The following MEIOB variants were observed in gnomAD, a reference collection of about 807,000 sequenced individuals.
The protein encoded by MEIOB is meiosis-specific with OB domain-containing protein.
A neutral mutation model predicts 53.1 loss-of-function variants in MEIOB; 50 were observed. The ratio of observed to expected loss-of-function variants is 0.94; its 90% confidence interval spans 0.75 to 1.19. The LOEUF (loss-of-function observed/expected upper bound fraction) is 1.19. Among genes scored for constraint, MEIOB ranks in the 50% most tolerant of loss-of-function variants. The pLI is 0.00. For synonymous variants in MEIOB, 192 were observed against 182.5 expected, an observed-to-expected ratio of 1.05 and a Z score of -0.42; for missense variants, 551 against 550.8, an observed-to-expected ratio of 1.00 and a Z score of 0.00.
At chr16:1,837,942 GA>G in intron 12 of MEIOB, 72 bp from the exon 13 acceptor site, 26 of 1,452,042 alleles carry the variant, frequency 1.8e-5, no homozygotes, top group Non-Finnish European at 2.4e-5. Flanking sequence ...ACAACAGTGT[GA>G]AACAAACTTT....
In MEIOB at chr16:1,860,489, C is replaced by G; in HGVS notation, c.260-14G>C. 7.1e-7 allele frequency: 1 copy of G among 1,407,712 alleles called. No homozygotes were observed. The highest frequency in any genetic ancestry group is 1.4e-5 in the African/African-American group (1 of 69,482). 87.2% of individuals were successfully genotyped at this position (1,407,712 alleles called of 1,614,324 possible). ...TTTCAATTATCACTAAAACAGAGGG[C>G]AAAGTATGATGATATTACAAAACAG... is the stretch of plus-strand genomic sequence containing the variant. On this transcript the variant is annotated splice_polypyrimidine_tract_variant and intron_variant, in intron 4 of 13. Coordinates refer to ENST00000325962, the MANE Select transcript of MEIOB (RefSeq NM_001163560.3).
At chr16:1,834,594 T>C (rs1166375531) in intron 13 of MEIOB, among the ~76,000 whole-genome samples, 1 of 152,224 alleles carries the variant, frequency 6.6e-6, no homozygotes. Flanking sequence ...ATTTTGTCAC[T>C]TTTCATGCTA....
chr16:1,868,683 G>A (rs1429777616), intron 1 of MEIOB, among the ~76,000 whole-genome samples: 3 of 151,810 alleles, frequency 2.0e-5, no homozygotes, highest in East Asian at 3.9e-4. Flanking sequence ...CTGAAACCCC[G>A]TCTCTACTAA....
In MEIOB at chr16:1,848,795, C is replaced by T. The variant is rs1899088880; in HGVS notation, c.779-3832G>A. ...CTAACCTCAAGTGATCCGCCCACCT[C>T]GGCCTCCCAAAGTGTTGGGATTACA... On this transcript the variant is annotated intron_variant, in intron 9 of 13. Transcript: ENST00000325962. 5.3e-5 allele frequency among the ~76,000 whole-genome samples: 8 copies of T among 152,144 alleles called. No individual in the cohort carries two copies. The Middle Eastern group carries it at 0.01, about 194-fold the overall frequency.
intron 10 of MEIOB, chr16:1,843,622 C>T (rs1567274078): frequency 6.6e-6 from 1 of 151,094 alleles, no homozygotes; most frequent in Non-Finnish European, 1.5e-5. Context: ...CGCTTGAACC[C>T]AGGAGGTGGA....
intron 2 of MEIOB, among the ~76,000 whole-genome samples, chr16:1,867,138 A>G (rs1281685251): frequency 6.6e-6 from 1 of 152,196 alleles, no homozygotes; most frequent in Non-Finnish European, 1.5e-5. Flanking sequence ...CATTGTAAGA[A>G]ATCTAGTTTG....
intron 6 of MEIOB, among the ~76,000 whole-genome samples, chr16:1,856,825 A>G (rs548999155): frequency 7.2e-6 from 1 of 138,050 alleles, no homozygotes; most frequent in Non-Finnish European, 1.5e-5. Context: ...GTGCAGTGGC[A>G]TGATTTTGGC....
intron 3 of MEIOB, among the ~76,000 whole-genome samples, chr16:1,865,062 T>A (rs1488724417): frequency 6.6e-6 from 1 of 152,064 alleles, no homozygotes; most frequent in Non-Finnish European, 1.5e-5. Flanking sequence ...GGTGGGATGA[T>A]CACTTGAGCC....
Position 1,860,432 on chromosome 16 carries a change from T to C in MEIOB, c.303A>G (p.Arg101=). The C allele has an allele frequency of 1.3e-6, 2 of 1,547,202 alleles. No individual in the cohort carries two copies. Among genetic ancestry groups the C allele is most frequent in the Non-Finnish European group, 1.7e-6 (2 of 1,143,252 alleles). ...GAGTTGCAGGGCTGAATTTTTCTTC[T>C]CTTTCTATTTCCTTTCTTTGGATCA... ...NPLIQRKEIE[R]EEKFSPATPS... The change falls in exon 5 of 14, where the codon AGA becomes AGG. Residue 101 remains arginine (R), a synonymous_variant. Transcript: ENST00000325962.
chr16:1,867,970 A>T, intron 2 of MEIOB, 137 bp downstream of exon 2: 1 of 504,030 alleles, frequency 2.0e-6, no homozygotes, highest in Non-Finnish European at 3.6e-6. Context: ...CTTAATATCT[A>T]ACAATTATAC....
intron 9 of MEIOB, among the ~76,000 whole-genome samples, chr16:1,850,037 C>T (rs888646338): frequency 6.6e-6 from 1 of 152,112 alleles, no homozygotes; most frequent in Non-Finnish European, 1.5e-5. Flanking sequence ...AGAAAGATGG[C>T]ATTTTTTCTA....
At chr16:1,835,057 C>T (rs1406291468) in intron 13 of MEIOB, among the ~76,000 whole-genome samples, 2 of 150,956 alleles carry the variant, frequency 1.3e-5, no homozygotes, top group African/African-American at 4.9e-5. Context: ...AAGTTCAAGA[C>T]CAGCCTGGCC....
In MEIOB at chr16:1,841,829, C is replaced by T. The variant is rs755593711; in HGVS notation, c.1025G>A (p.Arg342Gln). ...NIDDETTKVV[R>Q]NRCSSCGYIV... is the part of the protein sequence containing the mutation. ...TGACACGGATCCTTACCATCTATTT[C>T]GAACTACTTTTGTAGTTTCATCATC... Residue 342 changes from arginine (R) to glutamine (Q), a missense_variant, in exon 11 of 14, where the codon CGA (arginine) becomes CAA (glutamine). Physicochemically the swap from Arg to Gln is conservative, Grantham distance 43. Coordinates refer to ENST00000325962, the MANE Select transcript of MEIOB (RefSeq NM_001163560.3). 1.4e-5 allele frequency: 22 copies of T among 1,570,612 alleles called. No homozygotes were observed. In the East Asian group the frequency reaches 2.5e-4, roughly 18 times the overall value.
At chr16:1,862,754 C>A (rs1899479061) in intron 3 of MEIOB, among the ~76,000 whole-genome samples, 1 of 152,048 alleles carries the variant, frequency 6.6e-6, no homozygotes, top group African/African-American at 2.4e-5. Flanking sequence ...CCTGTCTCTG[C>A]TAAAAATACA....
At chr16:1,863,262 G>A (rs1899496236) in intron 3 of MEIOB, among the ~76,000 whole-genome samples, 1 of 151,872 alleles carries the variant, frequency 6.6e-6, no homozygotes, top group Admixed American at 6.6e-5. Context: ...CGATCTCTCG[G>A]CTCACTGCAA....
chr16:1,835,856 CTTTTTCT>C (rs1898731283), intron 13 of MEIOB, among the ~76,000 whole-genome samples: 1 of 134,044 alleles, frequency 7.5e-6, no homozygotes, highest in South Asian at 3.1e-4. Flanking sequence ...CTTCCAATTC[CTTTTTCT>C]TTTTTTTTTT....
chr16:1,836,272 G>C (rs1372713865), intron 13 of MEIOB, among the ~76,000 whole-genome samples: 1 of 152,146 alleles, frequency 6.6e-6, no homozygotes, highest in Non-Finnish European at 1.5e-5. Context: ...CCATAATTAT[G>C]AATATTTGTT....
intron 6 of MEIOB, among the ~76,000 whole-genome samples, chr16:1,857,459 G>A (rs1393561736): frequency 6.6e-6 from 1 of 152,196 alleles, no homozygotes; most frequent in African/African-American, 2.4e-5. Flanking sequence ...TTTAAGCAAT[G>A]TATAAAAAGT....
chr16:1,842,106 A>C, intron 10 of MEIOB, 133 bp from the exon 11 acceptor site: 1 of 476,484 alleles, frequency 2.1e-6, no homozygotes, highest in Admixed American at 4.3e-5. Flanking sequence ...TGTTGGCTAT[A>C]TAAACACTGA....
Sources: allele counts gnomAD v4.1 joint callset (sites outside exome capture counted in the v4.1 genomes callset), GRCh38; gene constraint gnomAD v4.1.1; transcripts MANE v1.5; gene names NCBI Gene and HGNC (gene_info 2026-07-23, HGNC 2026-07-21).